The following HTR7 variants were observed in gnomAD, a reference collection of about 807,000 sequenced individuals.
HTR7 encodes 5-hydroxytryptamine receptor 7.
A neutral mutation model predicts 34.0 loss-of-function variants in HTR7; 16 were observed. That is an observed-to-expected ratio of 0.47 (90% confidence interval 0.32 to 0.71). The LOEUF is 0.71. HTR7 is among the 30% of genes least tolerant of loss of function. The pLI, the probability that HTR7 is intolerant of heterozygous loss-of-function variation, is 0.04. For missense variants in HTR7, 504 were observed against 625.5 expected, an observed-to-expected ratio of 0.81 and a Z score of 2.07; for synonymous variants, 265 against 260.2, an observed-to-expected ratio of 1.02 and a Z score of -0.18.
intron 1 of HTR7, among the ~76,000 whole-genome samples, chr10:90,758,040 G>T (rs1295245762): frequency 6.6e-6 from 1 of 152,092 alleles, no homozygotes; most frequent in Non-Finnish European, 1.5e-5. Context: ...AGCAGGAGCT[G>T]AGAATAGAAA....
chr10:90,769,681 G>T (rs1328870992), intron 1 of HTR7, among the ~76,000 whole-genome samples: 3 of 151,982 alleles, frequency 2.0e-5, no homozygotes, highest in African/African-American at 7.3e-5. Context: ...GAGGATAAAT[G>T]AACAAAAGAA....
Position 90,857,129 on chromosome 10 carries a change from T to TAG in HTR7, c.539+3_539+4insCT. The TAG allele has an allele frequency of 1.9e-6, 3 of 1,573,700 alleles. No homozygotes were observed. The highest frequency in any genetic ancestry group is 2.6e-6 in the Non-Finnish European group (3 of 1,157,648). ...AGCCTGGGACGGGGCGGTCCGGCCCTTACCTGTCAATGCTGATCACGCACA... is the reference window on the plus strand; with the variant it reads ...AGCCTGGGACGGGGCGGTCCGGCCCTAGTACCTGTCAATGCTGATCACGCACA... On this transcript the variant is annotated splice_donor_region_variant and intron_variant, in intron 1 of 3. Transcript: ENST00000336152. The surrounding 1 kb of genome is among the most constrained non-coding windows in gnomAD (Gnocchi z 6.5).
chr10:90,831,117 A>C (rs913771260), intron 1 of HTR7, among the ~76,000 whole-genome samples: 4 of 152,214 alleles, frequency 2.6e-5, no homozygotes, highest in African/African-American at 9.6e-5. Flanking sequence ...TGCACATTCC[A>C]ATTAGGGTAG....
chr10:90,773,108 G>A (rs1403680576), intron 1 of HTR7, among the ~76,000 whole-genome samples: 1 of 152,076 alleles, frequency 6.6e-6, no homozygotes, highest in African/African-American at 2.4e-5. Context: ...TTTCTAGTTG[G>A]GAAAAACTCA....
At chr10:90,799,064 T>C (rs1445470245) in intron 1 of HTR7, among the ~76,000 whole-genome samples, 1 of 152,184 alleles carries the variant, frequency 6.6e-6, no homozygotes, top group African/African-American at 2.4e-5. Flanking sequence ...GCCTGAGATA[T>C]TTTGCAAACC....
At position 90,749,293 on chromosome 10, in the gene HTR7, C is replaced by T; in HGVS notation, c.841G>A (p.Val281Met). 6.2e-7 allele frequency: 1 copy of T among 1,614,158 alleles called. No individual in the cohort carries two copies. Among genetic ancestry groups the T allele is most frequent in the Middle Eastern group, 1.7e-4 (1 of 6,060 alleles). ...AKHKFPGFPR[V>M]EPDSVIALNG... ...AGGGCGATGACGCTGTCTGGCTCCA[C>T]TCGAGGGAAGCCAGGAAACTTGTGT... is the stretch of plus-strand genomic sequence containing the variant. Residue 281 changes from valine to methionine, a missense_variant, in exon 2 of 4, where the codon GTG becomes ATG. Val to Met is a conservative substitution (Grantham distance 21). This residue lies in a region of HTR7 where 57 missense variants were observed against 47.5 expected (regional missense o/e 1.20). Transcript: ENST00000336152. This position sits in a 1 kb window ranked among gnomAD's most constrained non-coding sequence, Gnocchi z 4.2.
intron 1 of HTR7, among the ~76,000 whole-genome samples, chr10:90,809,931 C>G (rs779211731): frequency 6.6e-6 from 1 of 152,208 alleles, no homozygotes; most frequent in Non-Finnish European, 1.5e-5. Flanking sequence ...GCCCCCTAGA[C>G]CATCACGGAC....
At chr10:90,785,372 A>C (rs1345413273) in intron 1 of HTR7, among the ~76,000 whole-genome samples, 1 of 152,100 alleles carries the variant, frequency 6.6e-6, no homozygotes, top group Non-Finnish European at 1.5e-5. Flanking sequence ...CTAATTGACA[A>C]TCTAATTAAA....
At chr10:90,802,644 TA>T (rs955033398) in intron 1 of HTR7, among the ~76,000 whole-genome samples, 6 of 152,368 alleles carry the variant, frequency 3.9e-5, no homozygotes, top group African/African-American at 1.2e-4. Context: ...TAGCTAGCCT[TA>T]AAAATTCTCT....
chr10:90,783,092 G>A (rs1589448778), intron 1 of HTR7, among the ~76,000 whole-genome samples: 2 of 152,180 alleles, frequency 1.3e-5, no homozygotes, highest in Admixed American at 1.3e-4. Flanking sequence ...ATTACCATTT[G>A]CATCTACTTC....
intron 1 of HTR7, among the ~76,000 whole-genome samples, chr10:90,780,747 A>G (rs531362983): frequency 1.3e-5 from 2 of 152,274 alleles, no homozygotes; most frequent in East Asian, 3.9e-4. Flanking sequence ...ATCAAGAATG[A>G]CAAAATCAAA....
chr10:90,818,226 T>C (rs573265079), intron 1 of HTR7, among the ~76,000 whole-genome samples: 1 of 152,276 alleles, frequency 6.6e-6, no homozygotes, highest in Admixed American at 6.5e-5. Flanking sequence ...CTGCACTCAT[T>C]AATGTAACAC....
chr10:90,761,364 CTCT>C (rs1290729540), intron 1 of HTR7, among the ~76,000 whole-genome samples: 1 of 152,088 alleles, frequency 6.6e-6, no homozygotes, highest in Non-Finnish European at 1.5e-5. Flanking sequence ...TTATCACTTT[CTCT>C]TTTTTAATAT....
intron 1 of HTR7, among the ~76,000 whole-genome samples, chr10:90,831,548 C>G (rs893245890): frequency 6.6e-6 from 1 of 152,196 alleles, no homozygotes; most frequent in South Asian, 2.1e-4. Flanking sequence ...CACATTGCTT[C>G]CAAACTGTGG....
At position 90,857,758 on chromosome 10, in the gene HTR7, C is replaced by G. The variant is rs963395859; in HGVS notation, c.-87G>C. The G allele has an allele frequency of 5.7e-5, 74 of 1,296,966 alleles. No individual in the cohort carries two copies. Among genetic ancestry groups the G allele is most frequent in the Admixed American group, 1.2e-4 (3 of 24,950 alleles). 80.3% of individuals were successfully genotyped at this position (1,296,966 alleles called of 1,614,324 possible). On this transcript the variant is annotated 5_prime_UTR_variant, in exon 1 of 4. Coordinates refer to ENST00000336152, the MANE Select transcript of HTR7 (RefSeq NM_019859.4). This position sits in a 1 kb window ranked among gnomAD's most constrained non-coding sequence, Gnocchi z 6.5. ...GCCCCGGGGCTTCACCTCACCGGTT[C>G]CGCTCCGCCCGGCCCAGCCATGGGG...
At chr10:90,750,401 G>C (rs1844715369) in intron 1 of HTR7, among the ~76,000 whole-genome samples, 1 of 152,170 alleles carries the variant, frequency 6.6e-6, no homozygotes, top group Non-Finnish European at 1.5e-5. Context: ...TCAAGGATTT[G>C]TAATGCAAAC....
intron 1 of HTR7, among the ~76,000 whole-genome samples, chr10:90,772,652 T>TCTA (rs1460790180): frequency 6.6e-6 from 1 of 152,228 alleles, no homozygotes; most frequent in East Asian, 1.9e-4. Context: ...TACACATGTA[T>TCTA]CTACCCAGAA....
intron 1 of HTR7, among the ~76,000 whole-genome samples, chr10:90,836,177 T>G (rs1333206228): frequency 1.3e-5 from 2 of 152,148 alleles, no homozygotes; most frequent in East Asian, 1.9e-4. Context: ...ATTGCTGACA[T>G]CAATAAACAC....
At chr10:90,761,624 G>C (rs529023611) in intron 1 of HTR7, among the ~76,000 whole-genome samples, 17 of 112,888 alleles carry the variant, frequency 1.5e-4, no homozygotes, top group Middle Eastern at 8.1e-3. Flanking sequence ...TTACCATTTT[G>C]TGTGTATGCG....
Sources: allele counts gnomAD v4.1 joint callset (sites outside exome capture counted in the v4.1 genomes callset), GRCh38; gene constraint gnomAD v4.1.1; regional missense constraint gnomAD v4.1.1; non-coding constraint Gnocchi (gnomAD v3.1); transcripts MANE v1.5; gene names NCBI Gene and HGNC (gene_info 2026-07-23, HGNC 2026-07-21).